TTC28: variants seen among roughly 807,000 people sequenced by gnomAD.
TTC28 encodes tetratricopeptide repeat domain 28, also known as tetratricopeptide repeat protein 28.
TTC28 carries 61 observed loss-of-function variants against 198.0 expected under a neutral mutation model. The ratio of observed to expected loss-of-function variants is 0.31; its 90% confidence interval spans 0.25 to 0.38. The LOEUF is 0.38. TTC28 is among the 10% of genes least tolerant of loss of function. The pLI is 1.00. For synonymous variants in TTC28, 1,171 were observed against 1,297.8 expected (o/e 0.90, Z 2.10); for missense variants, 2,678 against 3,164.0 (o/e 0.85, Z 3.69).
intron 2 of TTC28, among the ~76,000 whole-genome samples, chr22:28,309,740 C>T (rs2045217607): frequency 6.6e-6 from 1 of 152,156 alleles, no homozygotes. Context: ...AGATCACATA[C>T]ACACTTACTT....
intron 2 of TTC28, among the ~76,000 whole-genome samples, chr22:28,326,969 AACACAAAC>A (rs1482303357): frequency 8.7e-5 from 8 of 91,484 alleles, no homozygotes; most frequent in African/African-American, 1.9e-4. Context: ...AGCATACACA[AACACAAAC>A]ACACACACAC....
intron 6 of TTC28, among the ~76,000 whole-genome samples, chr22:28,133,208 G>A (rs914285203): frequency 1.3e-5 from 2 of 152,230 alleles, no homozygotes; most frequent in African/African-American, 4.8e-5. Context: ...GGGTGACAGA[G>A]TGAATGTGAC....
chr22:28,514,571 G>T (rs772764464), intron 2 of TTC28, among the ~76,000 whole-genome samples: 1 of 152,342 alleles, frequency 6.6e-6, no homozygotes, highest in South Asian at 2.1e-4. Flanking sequence ...CTTACACGGA[G>T]TGTTCACTCT....
At chr22:28,034,372 G>A (rs771199759) in intron 12 of TTC28, among the ~76,000 whole-genome samples, 40 of 152,144 alleles carry the variant, frequency 2.6e-4, no homozygotes, top group Non-Finnish European at 2.8e-4. Flanking sequence ...GTCTGCTTAC[G>A]TTCCACTCCT....
chr22:28,082,152 G>A (rs1004239611), intron 12 of TTC28, among the ~76,000 whole-genome samples: 75 of 151,968 alleles, frequency 4.9e-4, no homozygotes, highest in African/African-American at 1.7e-3. Context: ...ATAGTTTTTT[G>A]GTAGAATCTT....
At chr22:28,148,099 CA>C (rs1170427713) in intron 6 of TTC28, among the ~76,000 whole-genome samples, 1 of 152,008 alleles carries the variant, frequency 6.6e-6, no homozygotes, top group Non-Finnish European at 1.5e-5. Flanking sequence ...GATGAAGATC[CA>C]AAAAGGTTAA....
intron 12 of TTC28, among the ~76,000 whole-genome samples, chr22:28,055,897 T>C (rs912000450): frequency 2.6e-5 from 4 of 152,178 alleles, no homozygotes; most frequent in South Asian, 2.1e-4. Context: ...GTGTTTATTG[T>C]ATAGCCTTTT....
At chr22:28,347,085 A>C (rs1352751073) in intron 2 of TTC28, among the ~76,000 whole-genome samples, 1 of 152,018 alleles carries the variant, frequency 6.6e-6, no homozygotes, top group Non-Finnish European at 1.5e-5. Context: ...CAACATGGTG[A>C]AATCCCATCT....
chr22:28,669,347 T>C (rs977442609), intron 1 of TTC28, among the ~76,000 whole-genome samples: 9 of 151,146 alleles, frequency 6.0e-5, no homozygotes, highest in Admixed American at 2.0e-4. Flanking sequence ...TGGGGCCACA[T>C]GTCTAATAAA....
chr22:28,203,222 G>A (rs1029197505), intron 5 of TTC28, among the ~76,000 whole-genome samples: 2 of 152,106 alleles, frequency 1.3e-5, no homozygotes, highest in Admixed American at 6.6e-5. Context: ...CCTCAAGCAA[G>A]TCACTGAATC....
At chr22:28,527,590 G>C (rs922165415) in intron 2 of TTC28, among the ~76,000 whole-genome samples, 2 of 152,018 alleles carry the variant, frequency 1.3e-5, no homozygotes, top group South Asian at 4.1e-4. Context: ...TAAGCTTTAG[G>C]GTGCCCTAGA....
At position 28,073,731 on chromosome 22, in the gene TTC28, A is replaced by C. The variant is rs964444552; in HGVS notation, c.3932+20349T>G. Reference sequence around the variant, plus strand: ...ATTTGCTTTAGCCAATGAAATGTGAATGGTCAAGAGGTAAGCAGAGGCTTG... The same window carrying C: ...ATTTGCTTTAGCCAATGAAATGTGACTGGTCAAGAGGTAAGCAGAGGCTTG... On this transcript the variant is annotated intron_variant, in intron 12 of 22. Coordinates refer to ENST00000397906, the MANE Select transcript of TTC28 (RefSeq NM_001145418.2). Among the ~76,000 whole-genome samples, 4 of 152,290 alleles carry C rather than the reference A, an allele frequency of 2.6e-5. No individual in the cohort carries two copies. The Middle Eastern group carries it at 0.01, about 388-fold the overall frequency.
chr22:28,152,879 T>C (rs1315240271), intron 6 of TTC28, among the ~76,000 whole-genome samples: 5 of 152,124 alleles, frequency 3.3e-5, no homozygotes, highest in Non-Finnish European at 7.4e-5. Context: ...GTAAAAAACA[T>C]TAAAGAGAGT....
At chr22:28,072,814 A>T (rs1941042713) in intron 12 of TTC28, among the ~76,000 whole-genome samples, 1 of 152,200 alleles carries the variant, frequency 6.6e-6, no homozygotes, top group Admixed American at 6.5e-5. Context: ...CAGAGGGTTT[A>T]CACCAGGAGA....
chr22:28,456,317 G>A (rs895393399), intron 2 of TTC28, among the ~76,000 whole-genome samples: 1 of 152,164 alleles, frequency 6.6e-6, no homozygotes, highest in African/African-American at 2.4e-5. Context: ...GTCACTGGGG[G>A]ATGGAGGCAA....
chr22:28,658,865 C>A (rs1421415352), intron 1 of TTC28, among the ~76,000 whole-genome samples: 1 of 152,064 alleles, frequency 6.6e-6, no homozygotes, highest in African/African-American at 2.4e-5. Flanking sequence ...GACATGGTGA[C>A]GCACATCTGT....
intron 2 of TTC28, among the ~76,000 whole-genome samples, chr22:28,309,438 A>G (rs556221721): frequency 6.6e-6 from 1 of 152,356 alleles, no homozygotes; most frequent in East Asian, 1.9e-4. Context: ...TGAGCGAGAT[A>G]ACAGCCACCC....
intron 14 of TTC28, among the ~76,000 whole-genome samples, chr22:28,009,089 G>A (rs532863179): frequency 6.6e-6 from 1 of 152,336 alleles, no homozygotes; most frequent in African/African-American, 2.4e-5. Context: ...CTGACTTAAT[G>A]TTTGATGATG....
At chr22:28,032,315 T>C (rs1283710633) in intron 12 of TTC28, among the ~76,000 whole-genome samples, 3 of 145,180 alleles carry the variant, frequency 2.1e-5, no homozygotes, top group Non-Finnish European at 3.0e-5. Flanking sequence ...TGTTTGTATA[T>C]ATATATCTCT....
Sources: gnomAD v4.1 joint callset for allele counts (sites outside exome capture counted in the v4.1 genomes callset) on GRCh38, gnomAD v4.1.1 for gene constraint, MANE v1.5 for transcripts, NCBI Gene and HGNC (gene_info 2026-07-23, HGNC 2026-07-21) for gene names.